Variants in LPP observed in about 807,000 individuals in gnomAD.
LPP encodes LIM domain containing preferred translocation partner in lipoma.
Under a neutral mutation model 60.4 loss-of-function variants are expected in LPP, and 38 were observed. The ratio of observed to expected loss-of-function variants is 0.63; its 90% CI spans 0.49 to 0.83. The LOEUF is 0.83. Among genes scored for constraint, LPP ranks in the 40% least tolerant of loss-of-function variants. The pLI is 0.00. For synonymous variants in LPP, 328 were observed against 290.8 expected (o/e 1.13, Z -1.30); for missense variants, 902 against 783.6 (o/e 1.15, Z -1.80).
At chr3:188,470,157 A>AT (rs1026064529) in intron 4 of LPP, among the ~76,000 whole-genome samples, 1 of 152,050 alleles carries the variant, frequency 6.6e-6, no homozygotes, top group East Asian at 1.9e-4. Context: ...TCGCAGAGCT[A>AT]TTTTTTTATA....
At chr3:188,484,816 T>C in intron 5 of LPP, 112 bp downstream of exon 5, 1 of 798,698 alleles carries the variant, frequency 1.3e-6, no homozygotes, top group Non-Finnish European at 2.1e-6. Context: ...TGGATAAACA[T>C]TTATCCAGAG....
intron 9 of LPP, among the ~76,000 whole-genome samples, chr3:188,782,739 GA>G (rs66466869): frequency 2.9e-4 from 41 of 142,296 alleles, no homozygotes; most frequent in East Asian, 8.2e-4. Flanking sequence ...ATGTTGCTGG[GA>G]AAAAAAAAAA....
rs150700264 is a variant in LPP, at chr3:188,454,952, G to A, written c.194-29640G>A. 1.2e-4 allele frequency among the ~76,000 whole-genome samples: 18 copies of A among 152,298 alleles called. No homozygotes were observed. The South Asian group carries it at 2.3e-3, about 19-fold the overall frequency. On this transcript the variant is annotated intron_variant, in intron 4 of 11. Coordinates refer to ENST00000617246, the MANE Select transcript of LPP (RefSeq NM_001375462.1). ...TACCTGCTTATCTAAAGTTTTAGAAGGTGTTCACAATGTTATTCGAAAGCC... is the reference window on the plus strand; with the variant it reads ...TACCTGCTTATCTAAAGTTTTAGAAAGTGTTCACAATGTTATTCGAAAGCC...
At chr3:188,602,648 C>A (rs1160472514) in intron 6 of LPP, among the ~76,000 whole-genome samples, 1 of 151,102 alleles carries the variant, frequency 6.6e-6, no homozygotes, top group Non-Finnish European at 1.5e-5. Context: ...TTTATAGGTA[C>A]CTCGACCCCA....
At chr3:188,511,399 G>A (rs745761449) in intron 5 of LPP, among the ~76,000 whole-genome samples, 1 of 149,050 alleles carries the variant, frequency 6.7e-6, no homozygotes, top group Non-Finnish European at 1.5e-5. Flanking sequence ...ATATTTATAG[G>A]AAAGTGAATG....
At chr3:188,229,964 C>T (rs1267950908) in intron 2 of LPP, among the ~76,000 whole-genome samples, 1 of 152,132 alleles carries the variant, frequency 6.6e-6, no homozygotes, top group Non-Finnish European at 1.5e-5. Context: ...CAGTGTTGGT[C>T]TGGGTGTTAG....
intron 1 of LPP, among the ~76,000 whole-genome samples, chr3:188,190,488 A>C (rs1727861388): frequency 1.3e-5 from 2 of 152,150 alleles, no homozygotes; most frequent in Non-Finnish European, 2.9e-5. Context: ...TCTTCCTTTC[A>C]CGCTCTAACT....
chr3:188,592,563 T>TGTTTTTTTTTTTTTTTTTTTTGG, intron 6 of LPP, among the ~76,000 whole-genome samples: 11 of 77,212 alleles, frequency 1.4e-4, no homozygotes, highest in Admixed American at 5.1e-4. Flanking sequence ...TTTTGTTTTT[T>TGTTTTTTTTTTTTTTTTTTTTGG]AAATGGAGTC....
At chr3:188,397,780 A>T (rs1781317579) in intron 3 of LPP, among the ~76,000 whole-genome samples, 1 of 151,904 alleles carries the variant, frequency 6.6e-6, no homozygotes, top group African/African-American at 2.4e-5. Context: ...TGCTCGGCTA[A>T]TTTTTGTATT....
chr3:188,677,404 T>C (rs1301383910), intron 7 of LPP, among the ~76,000 whole-genome samples: 1 of 152,230 alleles, frequency 6.6e-6, no homozygotes, highest in Non-Finnish European at 1.5e-5. Flanking sequence ...TTGATTTATC[T>C]GTGGCTTTGT....
chr3:188,447,914 C>T (rs532633955), intron 4 of LPP, among the ~76,000 whole-genome samples: 1 of 152,250 alleles, frequency 6.6e-6, no homozygotes, highest in African/African-American at 2.4e-5. Context: ...TTGATTGTGT[C>T]AAATTATCTA....
chr3:188,413,688 G>T (rs944841916), intron 4 of LPP, among the ~76,000 whole-genome samples: 9 of 152,146 alleles, frequency 5.9e-5, no homozygotes, highest in Middle Eastern at 3.2e-3. Context: ...TTTCAGCAGA[G>T]AAATTAACTT....
At chr3:188,433,278 G>C (rs983855451) in intron 4 of LPP, among the ~76,000 whole-genome samples, 1 of 152,090 alleles carries the variant, frequency 6.6e-6, no homozygotes, top group Non-Finnish European at 1.5e-5. Context: ...GAAATCCTTT[G>C]TCCCTGTGTG....
rs1380159228 is a variant in LPP, at chr3:188,661,696, G to A, written c.1114-46571G>A. On this transcript the variant is annotated intron_variant, in intron 7 of 11. Transcript: ENST00000617246. The stretch of plus-strand genomic sequence containing the variant: ...CAATAATAATAGTCCTTTCTTAAAC[G>A]TGTTGTTTGCAAATACTTTCTCCCA... Among the ~76,000 whole-genome samples the A allele has an allele frequency of 4.6e-5, 7 of 152,192 alleles. No individual in the cohort carries two copies. In the East Asian group the frequency reaches 9.6e-4, roughly 21 times the overall value.
intron 6 of LPP, among the ~76,000 whole-genome samples, chr3:188,526,385 C>T (rs1820589031): frequency 6.6e-6 from 1 of 152,140 alleles, no homozygotes; most frequent in Non-Finnish European, 1.5e-5. Context: ...ACCTCCACCT[C>T]CTGAGTTCAA....
intron 7 of LPP, among the ~76,000 whole-genome samples, chr3:188,653,472 T>A (rs573502997): frequency 6.6e-6 from 1 of 152,304 alleles, no homozygotes; most frequent in Admixed American, 6.5e-5. Flanking sequence ...CTGTTTTTTT[T>A]AATGAGAGAA....
chr3:188,620,698 T>C (rs1845648869), intron 7 of LPP, among the ~76,000 whole-genome samples: 1 of 152,222 alleles, frequency 6.6e-6, no homozygotes, highest in South Asian at 2.1e-4. Context: ...GGTAATTTAA[T>C]GTTCAACATT....
intron 2 of LPP, among the ~76,000 whole-genome samples, chr3:188,278,209 G>A (rs1740678683): frequency 1.3e-5 from 2 of 152,184 alleles, no homozygotes; most frequent in Admixed American, 1.3e-4. Context: ...GATTAGAAAG[G>A]TTTATGTAGC....
At chr3:188,753,483 C>T (rs1728753003) in intron 8 of LPP, among the ~76,000 whole-genome samples, 2 of 151,084 alleles carry the variant, frequency 1.3e-5, no homozygotes, top group Middle Eastern at 3.4e-3. Flanking sequence ...GATCACTCAG[C>T]CTTCACTTCA....
Sources: allele counts gnomAD v4.1 joint callset (sites outside exome capture counted in the v4.1 genomes callset), GRCh38; gene constraint gnomAD v4.1.1; transcripts MANE v1.5; gene names NCBI Gene and HGNC (gene_info 2026-07-23, HGNC 2026-07-21).